HEPACAM2: variants seen among roughly 807,000 people sequenced by gnomAD.
HEPACAM2 encodes HEPACAM family member 2.
Under a neutral mutation model 49.6 loss-of-function variants are expected in HEPACAM2, and 49 were observed. The ratio of observed to expected loss-of-function variants is 0.99; its 90% confidence interval spans 0.78 to 1.25. The LOEUF is 1.25. Among genes scored for constraint, HEPACAM2 ranks in the 50% most tolerant of loss-of-function variants. HEPACAM2 has a pLI of 0.00. For missense variants in HEPACAM2, 525 were observed against 557.2 expected, an observed-to-expected ratio of 0.94 and a Z score of 0.58; for synonymous variants, 197 against 202.9, an observed-to-expected ratio of 0.97 and a Z score of 0.25.
chr7:93,227,748 C>T (rs73218071), upstream of HEPACAM2, among the ~76,000 whole-genome samples: 5,677 of 152,270 alleles, frequency 0.037, 127 homozygotes, highest in African/African-American at 0.049. Flanking sequence ...GTCTCTAAAT[C>T]TGGTACACAC....
At chr7:93,207,394 G>C (rs910382816) in intron 4 of HEPACAM2, among the ~76,000 whole-genome samples, 1 of 151,758 alleles carries the variant, frequency 6.6e-6, no homozygotes, top group Non-Finnish European at 1.5e-5. Flanking sequence ...AGTCTGAGAA[G>C]GACTTAGCAG....
intron 4 of HEPACAM2, among the ~76,000 whole-genome samples, chr7:93,199,144 C>T (rs1793814093): frequency 6.6e-6 from 1 of 152,074 alleles, no homozygotes; most frequent in East Asian, 1.9e-4. Context: ...AAATTTCTGA[C>T]ATGCGTTCAG....
At chr7:93,221,126 G>A (rs899610188) in intron 1 of HEPACAM2, among the ~76,000 whole-genome samples, 7 of 151,924 alleles carry the variant, frequency 4.6e-5, no homozygotes, top group African/African-American at 1.7e-4. Context: ...GTGAAATAAA[G>A]AGAGTTTTTT....
chr7:93,204,438 TTAAAG>T (rs1793977711), intron 4 of HEPACAM2, among the ~76,000 whole-genome samples: 1 of 152,096 alleles, frequency 6.6e-6, no homozygotes, highest in Admixed American at 6.6e-5. Context: ...AGTTAAAACT[TTAAAG>T]TAGGGACATC....
chr7:93,208,683 A>G lies in HEPACAM2; in HGVS notation c.909T>C (p.Ser303=). The change falls in exon 4 of 10, where the codon TCT becomes TCC. Residue 303 remains serine, a synonymous_variant. Coordinates refer to ENST00000394468, the MANE Select transcript of HEPACAM2 (RefSeq NM_001039372.4). Reference sequence around the variant, plus strand: ...CCATTGTCTTCTGGGCTACTTTCTCAGATGCAACTTCTAAGCGAGGCCCAT... The same window carrying G: ...CCATTGTCTTCTGGGCTACTTTCTCGGATGCAACTTCTAAGCGAGGCCCAT... ...IKHGPRLEVA[S]EKVAQKTMDY... is the part of the protein sequence containing the mutation. 2 of 1,613,198 alleles carry G rather than the reference A, an allele frequency of 1.2e-6. No individual in the cohort carries two copies. The highest frequency in any genetic ancestry group is 2.7e-5 in the African/African-American group (2 of 74,960).
rs757250746 is a variant in HEPACAM2 at position 93,208,786 on chromosome 7, T to G, written c.806A>C (p.Asp269Ala). ...TVDLGEAILF[D>A]CSADSHPPNT... ...GGGGGGATGAGAATCAGCAGAACAA[T>G]CAAATAGGATGGCCTCTCCAAGGTC... is the stretch of plus-strand genomic sequence containing the variant. Residue 269 changes from aspartate to alanine, a missense_variant, in exon 4 of 10, where the codon GAT becomes GCT. Physicochemically the swap from Asp to Ala is moderately radical, Grantham distance 126 (BLOSUM62 -2). Coordinates refer to ENST00000394468, the MANE Select transcript of HEPACAM2 (RefSeq NM_001039372.4). 1 of 1,613,022 alleles carries G rather than the reference T, an allele frequency of 6.2e-7. No individual in the cohort carries two copies. Among genetic ancestry groups the G allele is most frequent in the South Asian group, 1.1e-5 (1 of 91,028 alleles).
upstream of HEPACAM2, among the ~76,000 whole-genome samples, chr7:93,231,458 A>T (rs1447758826): frequency 6.6e-6 from 1 of 152,204 alleles, no homozygotes; most frequent in East Asian, 1.9e-4. Context: ...TCATCTTTAA[A>T]ATGGGAACCC....
intron 3 of HEPACAM2, among the ~76,000 whole-genome samples, chr7:93,212,440 T>A (rs1794198303): frequency 6.6e-6 from 1 of 151,998 alleles, no homozygotes; most frequent in South Asian, 2.1e-4. Context: ...CTTTGAAGCA[T>A]TTCAGTTCCT....
intron 4 of HEPACAM2, among the ~76,000 whole-genome samples, chr7:93,199,149 G>T (rs372876956): frequency 3.9e-5 from 6 of 151,946 alleles, no homozygotes; most frequent in African/African-American, 1.4e-4. Context: ...TCTGACATGC[G>T]TTCAGAGAAC....
Position 93,189,063 on chromosome 7 carries a change from T to C in HEPACAM2, c.*204A>G, listed in dbSNP as rs1420665394. On this transcript the variant is annotated 3_prime_UTR_variant, in exon 10 of 10. Transcript: ENST00000394468. ...GGAATATTTCCCCAACATGTTTTTCTGTTGCACAAGACATTGTGTATATGC... is the reference window on the plus strand; with the variant it reads ...GGAATATTTCCCCAACATGTTTTTCCGTTGCACAAGACATTGTGTATATGC... 2.1e-6 allele frequency: 1 copy of C among 487,468 alleles called. No homozygotes were observed. Among genetic ancestry groups the C allele is most frequent in the South Asian group, 3.8e-5 (1 of 26,316 alleles). 30.2% of individuals were successfully genotyped at this position (487,468 alleles called of 1,614,324 possible).
intron 9 of HEPACAM2, 140 bp downstream of exon 9, chr7:93,192,114 G>T: frequency 1.8e-6 from 1 of 557,088 alleles, no homozygotes; most frequent in East Asian, 3.0e-5. Context: ...TGCTCAGGTG[G>T]GGAAGTGTGT....
At chr7:93,203,729 G>T (rs1446973568) in intron 4 of HEPACAM2, among the ~76,000 whole-genome samples, 2 of 152,098 alleles carry the variant, frequency 1.3e-5, no homozygotes, top group Non-Finnish European at 2.9e-5. Context: ...GTTTGAGACT[G>T]CACTCAGTGG....
chr7:93,226,357 C>T lies in HEPACAM2; in HGVS notation c.79+11G>A, dbSNP rs1225628129. On this transcript the variant is annotated intron_variant, in intron 1 of 9. Coordinates refer to ENST00000394468, the MANE Select transcript of HEPACAM2 (RefSeq NM_001039372.4). ...ACAAACAGCTAAAACACAATTCACA[C>T]AGGGCCTTACCGAAGAGAAGGAGGT... 6.3e-7 allele frequency: 1 copy of T among 1,595,156 alleles called. No individual in the cohort carries two copies. The highest frequency in any genetic ancestry group is 2.2e-5 in the East Asian group (1 of 44,778).
chr7:93,215,562 T>A lies in HEPACAM2; in HGVS notation c.554A>T (p.Asn185Ile), dbSNP rs1794284623. The change falls in exon 3 of 10, where the codon AAT becomes ATT. Residue 185 changes from asparagine (N) to isoleucine (I), a missense_variant. Physicochemically the swap from Asn to Ile is moderately radical, Grantham distance 149. Coordinates refer to ENST00000394468, the MANE Select transcript of HEPACAM2 (RefSeq NM_001039372.4). ...GGAGCTGGTGTGGACAGGTCTCCCA[T>A]TTTTTAGCCATTGGTAAGCTAGCCG... is the stretch of plus-strand genomic sequence containing the variant. ...GTRLAYQWLK[N>I]GRPVHTSSTY... 1 of 1,613,644 alleles carries A rather than the reference T, an allele frequency of 6.2e-7. No homozygotes were observed. The highest frequency in any genetic ancestry group is 1.7e-5 in the Admixed American group (1 of 59,910).
chr7:93,195,761 A>G, intron 8 of HEPACAM2, 67 bp downstream of exon 8: 1 of 1,259,964 alleles, frequency 7.9e-7, no homozygotes, highest in Non-Finnish European at 1.2e-6. Context: ...GCTTAAACAA[A>G]TGCTTTTTAC....
Position 93,215,315 on chromosome 7 carries a change from G to T in HEPACAM2, c.715+86C>A. On this transcript the variant is annotated intron_variant, in intron 3 of 9. Transcript: ENST00000394468. Reference sequence around the variant, plus strand: ...ATGGTAAAAAGCCAAATGACATCTGGTACTTATATTCTCTGTGACTATCCT... The same window carrying T: ...ATGGTAAAAAGCCAAATGACATCTGTTACTTATATTCTCTGTGACTATCCT... 2.4e-6 allele frequency: 3 copies of T among 1,257,156 alleles called. No individual in the cohort carries two copies. In the African/African-American group the frequency reaches 4.5e-5, roughly 19 times the overall value. The allele number at this position is 1,257,156 out of a possible 1,614,324, so 77.9% of individuals were successfully genotyped here.
intron 1 of HEPACAM2, among the ~76,000 whole-genome samples, chr7:93,220,370 G>A (rs1358774822): frequency 6.6e-6 from 1 of 152,280 alleles, no homozygotes; most frequent in African/African-American, 2.4e-5. Flanking sequence ...AGTAAAAGAC[G>A]TTTTGGAAAA....
At chr7:93,225,947 A>G (rs1281910500) in intron 1 of HEPACAM2, 3 of 1,349,400 alleles carry the variant, frequency 2.2e-6, no homozygotes, top group Non-Finnish European at 3.0e-6. Flanking sequence ...AGTTTGCAAC[A>G]ATATCTTTAA....
intron 4 of HEPACAM2, among the ~76,000 whole-genome samples, chr7:93,207,115 G>A (rs1194326760): frequency 6.6e-6 from 1 of 152,032 alleles, no homozygotes; most frequent in East Asian, 1.9e-4. Context: ...GCAACATACT[G>A]AAAAACTGAG....
Sources: gnomAD v4.1 joint callset for allele counts (sites outside exome capture counted in the v4.1 genomes callset) on GRCh38, gnomAD v4.1.1 for gene constraint, MANE v1.5 for transcripts, NCBI Gene and HGNC (gene_info 2026-07-23, HGNC 2026-07-21) for gene names.